The following FAM184B variants were observed in gnomAD, a reference collection of about 807,000 sequenced individuals.
FAM184B encodes protein FAM184B.
Under a neutral mutation model 135.9 loss-of-function variants are expected in FAM184B, and 111 were observed. The ratio of observed to expected loss-of-function variants is 0.82; its 90% confidence interval spans 0.70 to 0.96. FAM184B has a LOEUF of 0.96. FAM184B is among the 40% of genes least tolerant of loss of function. The pLI is 0.00. For synonymous variants in FAM184B, 552 were observed against 524.8 expected, an observed-to-expected ratio of 1.05 and a Z score of -0.71; for missense variants, 1,375 against 1,323.9, an observed-to-expected ratio of 1.04 and a Z score of -0.60.
At chr4:17,685,325 C>T (rs1260982786) in intron 7 of FAM184B, among the ~76,000 whole-genome samples, 5 of 150,650 alleles carry the variant, frequency 3.3e-5, no homozygotes, top group African/African-American at 4.9e-5. Flanking sequence ...CCGAGGCAGG[C>T]GGATCATGAG....
At chr4:17,739,382 C>G (rs1248246316) in intron 1 of FAM184B, among the ~76,000 whole-genome samples, 1 of 152,022 alleles carries the variant, frequency 6.6e-6, no homozygotes. Flanking sequence ...TAGAAAACTT[C>G]CGCTTGTGAC....
intron 3 of FAM184B, 114 bp from the exon 4 acceptor site, chr4:17,706,005 C>T (rs1156572744): frequency 7.5e-7 from 1 of 1,337,310 alleles, no homozygotes; most frequent in Admixed American, 2.1e-5. Context: ...CCAACATCCC[C>T]TGTGTAATTC....
rs368303322 is a variant in FAM184B, at chr4:17,706,153, A to G, written c.1031-262T>C. Among the ~76,000 whole-genome samples the G allele has an allele frequency of 7.2e-5, 11 of 152,328 alleles. No homozygotes were observed. The South Asian group carries it at 2.1e-3, about 29-fold the overall frequency. On this transcript the variant is annotated intron_variant, in intron 3 of 17. Transcript: ENST00000265018. The stretch of plus-strand genomic sequence containing the variant: ...CCAAATCTTTTTGACTGCAGTTTCT[A>G]TAGGTTAAAAAAGTTGAGCATGTTT...
rs1175223284 is a variant in FAM184B at position 17,709,190 on chromosome 4, T to C, written c.596A>G (p.Glu199Gly). 6.5e-7 allele frequency: 1 copy of C among 1,548,362 alleles called. No homozygotes were observed. The highest frequency in any genetic ancestry group is 2.4e-5 in the East Asian group (1 of 40,890). ...GTTCTCCACTCGCAGCCGCTGCACC[T>C]CTAGCAGGACCTCCTGCATCTCCGG... ...QGPEMQEVLLEVQRLRVENQQ... is the reference protein window; with the variant it reads ...QGPEMQEVLLGVQRLRVENQQ... Residue 199 changes from glutamate to glycine, a missense_variant, in exon 2 of 18, where the codon GAG becomes GGG. Transcript: ENST00000265018.
At chr4:17,759,204 T>C (rs949517990) in intron 1 of FAM184B, among the ~76,000 whole-genome samples, 1 of 152,198 alleles carries the variant, frequency 6.6e-6, no homozygotes, top group Non-Finnish European at 1.5e-5. Context: ...GTGTCCCCAC[T>C]GAAATTGCAT....
At chr4:17,715,595 A>G (rs1717387265) in intron 1 of FAM184B, among the ~76,000 whole-genome samples, 1 of 152,198 alleles carries the variant, frequency 6.6e-6, no homozygotes, top group South Asian at 2.1e-4. Context: ...TGTAGTTAAT[A>G]ACAATATACT....
chr4:17,647,597 C>G (rs752496185), intron 12 of FAM184B, 40 bp downstream of exon 12: 1 of 1,531,354 alleles, frequency 6.5e-7, no homozygotes, highest in South Asian at 1.2e-5. Flanking sequence ...TGATGCTGCT[C>G]TGGGAGGGGT....
In FAM184B at chr4:17,709,443, TCAG is replaced by T; in HGVS notation, c.340_342del (p.Leu114del). The T allele has an allele frequency of 6.6e-7, 1 of 1,522,290 alleles. No individual in the cohort carries two copies. The highest frequency in any genetic ancestry group is 2.1e-5 in the Admixed American group (1 of 47,534). 94.3% of individuals were successfully genotyped at this position (1,522,290 alleles called of 1,614,324 possible). ...GCCGACTCAGCCAGCGCCTCCTCCG[TCAG>T]CCTCTTTTGCAGCTCCAGGGCGCTC... On this transcript the variant is annotated inframe_deletion, in exon 2 of 18. Coordinates refer to ENST00000265018, the MANE Select transcript of FAM184B (RefSeq NM_015688.2).
At chr4:17,709,986 C>T (rs919040191) in intron 1 of FAM184B, among the ~76,000 whole-genome samples, 5 of 152,134 alleles carry the variant, frequency 3.3e-5, no homozygotes, top group African/African-American at 1.2e-4. Flanking sequence ...CTCATTTGTT[C>T]AGAAGGAACA....
intron 3 of FAM184B, 42 bp downstream of exon 3, chr4:17,707,607 T>G: frequency 6.5e-7 from 1 of 1,548,282 alleles, no homozygotes; most frequent in Non-Finnish European, 8.7e-7. Flanking sequence ...ACCTGGCAGC[T>G]AACCTTGGGT....
At chr4:17,655,770 G>A (rs1715766592) in intron 10 of FAM184B, among the ~76,000 whole-genome samples, 1 of 152,200 alleles carries the variant, frequency 6.6e-6, no homozygotes, top group Non-Finnish European at 1.5e-5. Flanking sequence ...CTCAGTGAAT[G>A]CCTGCAGAAT....
At chr4:17,759,566 A>C (rs918980545) in intron 1 of FAM184B, among the ~76,000 whole-genome samples, 1 of 151,948 alleles carries the variant, frequency 6.6e-6, no homozygotes, top group African/African-American at 2.4e-5. Flanking sequence ...GCAGTGGCTC[A>C]CTGCAACCTC....
chr4:17,730,278 T>A (rs1717745822), intron 1 of FAM184B, among the ~76,000 whole-genome samples: 1 of 152,178 alleles, frequency 6.6e-6, no homozygotes, highest in South Asian at 2.1e-4. Flanking sequence ...AAAGGCCAAA[T>A]CTACATCTGA....
rs764763805 is a variant in FAM184B, at chr4:17,668,684, C to T, written c.1597-4025G>A. 8.5e-5 allele frequency among the ~76,000 whole-genome samples: 13 copies of T among 152,192 alleles called. No individual in the cohort carries two copies. In the South Asian group the frequency reaches 2.1e-3, roughly 24 times the overall value. On this transcript the variant is annotated intron_variant, in intron 7 of 17. Coordinates refer to ENST00000265018, the MANE Select transcript of FAM184B (RefSeq NM_015688.2). ...AGTAGCTGGGACTACAGGCGTGTGA[C>T]AACACGCCCGGCTAATTTTTTTATT...
At chr4:17,778,832 C>T (rs1009227334) in intron 1 of FAM184B, among the ~76,000 whole-genome samples, 4 of 152,076 alleles carry the variant, frequency 2.6e-5, no homozygotes, top group Non-Finnish European at 5.9e-5. Flanking sequence ...ACACTCCAGC[C>T]TGGGTAACAG....
chr4:17,683,714 A>T (rs972304268), intron 7 of FAM184B, among the ~76,000 whole-genome samples: 1 of 152,132 alleles, frequency 6.6e-6, no homozygotes, highest in African/African-American at 2.4e-5. Context: ...TTTGTTTTTA[A>T]AAAAATGACG....
chr4:17,742,805 C>T (rs568500999), intron 1 of FAM184B, among the ~76,000 whole-genome samples: 4 of 152,216 alleles, frequency 2.6e-5, no homozygotes, highest in Non-Finnish European at 5.9e-5. Context: ...GTTCATGTGA[C>T]CTGATTCTTC....
intron 1 of FAM184B, among the ~76,000 whole-genome samples, chr4:17,727,442 C>T (rs1717666031): frequency 6.6e-6 from 1 of 152,190 alleles, no homozygotes; most frequent in South Asian, 2.1e-4. Context: ...TCTGTTCTCA[C>T]ACTGCTATAA....
At chr4:17,717,374 A>G (rs1717418682) in intron 1 of FAM184B, among the ~76,000 whole-genome samples, 1 of 152,174 alleles carries the variant, frequency 6.6e-6, no homozygotes, top group South Asian at 2.1e-4. Flanking sequence ...ATCATTGAGC[A>G]GATTTTGAGC....
Sources: gnomAD v4.1 joint callset for allele counts (sites outside exome capture counted in the v4.1 genomes callset) on GRCh38, gnomAD v4.1.1 for gene constraint, MANE v1.5 for transcripts, NCBI Gene and HGNC (gene_info 2026-07-23, HGNC 2026-07-21) for gene names.